NHSL1: variants seen among roughly 807,000 people sequenced by gnomAD.
The protein encoded by NHSL1 is NHS-like protein 1.
A neutral mutation model predicts 95.0 loss-of-function variants in NHSL1; 48 were observed. That is an observed-to-expected ratio of 0.51 (90% CI 0.40 to 0.64). The LOEUF is 0.64. Ranked by LOEUF, NHSL1 falls within the 30% of genes least tolerant of loss-of-function variation. The pLI, the probability that NHSL1 is intolerant of heterozygous loss-of-function variation, is 0.00. For synonymous variants in NHSL1, 783 were observed against 833.9 expected, an observed-to-expected ratio of 0.94 and a Z score of 1.05; for missense variants, 1,971 against 2,077.7, an observed-to-expected ratio of 0.95 and a Z score of 1.00.
In NHSL1 at chr6:138,496,326, G is replaced by C; in HGVS notation, c.104C>G (p.Thr35Ser). ...ATTCTCCTGCTGGTGCCACGGGGCAGTGTAGTGGACTGTCCATCGGCTTTC... is the reference window on the plus strand; with the variant it reads ...ATTCTCCTGCTGGTGCCACGGGGCACTGTAGTGGACTGTCCATCGGCTTTC... The part of the protein sequence containing the change: ...DEESRWTVHY[T>S]APWHQQENVF... The change falls in exon 2 of 8, where the codon ACT becomes AGT. Residue 35 changes from threonine to serine, a missense_variant. This residue lies in a region of NHSL1 where 1,602 missense variants were observed against 1,654.5 expected (regional missense o/e 0.97). Coordinates refer to ENST00000343505, the MANE Select transcript of NHSL1 (RefSeq NM_001144060.2). 2.6e-6 allele frequency: 4 copies of C among 1,550,698 alleles called. No homozygotes were observed. The highest frequency in any genetic ancestry group is 3.5e-6 in the Non-Finnish European group (4 of 1,146,916).
At chr6:138,614,246 C>G (rs1413873246) in intron 1 of NHSL1, among the ~76,000 whole-genome samples, 1 of 152,170 alleles carries the variant, frequency 6.6e-6, no homozygotes, top group Non-Finnish European at 1.5e-5. Context: ...GCTCTCTGAC[C>G]TTCCTCTTCT....
intron 1 of NHSL1, among the ~76,000 whole-genome samples, chr6:138,610,690 A>C (rs1784500292): frequency 6.6e-6 from 1 of 152,024 alleles, no homozygotes; most frequent in Admixed American, 6.6e-5. Flanking sequence ...AGGTAACTAT[A>C]GCTAGACCTG....
At chr6:138,475,507 C>T (rs921497016) in intron 2 of NHSL1, among the ~76,000 whole-genome samples, 7 of 152,112 alleles carry the variant, frequency 4.6e-5, no homozygotes, top group African/African-American at 1.2e-4. Context: ...GGATTATAGC[C>T]GTGAGCCACT....
intron 1 of NHSL1, among the ~76,000 whole-genome samples, chr6:138,679,874 C>A (rs1034731327): frequency 3.9e-5 from 6 of 151,996 alleles, no homozygotes; most frequent in African/African-American, 1.2e-4. Flanking sequence ...GAAAGATGCA[C>A]CCACTTCAGT....
At chr6:138,507,204 T>C (rs1445062710) in intron 1 of NHSL1, among the ~76,000 whole-genome samples, 2 of 152,204 alleles carry the variant, frequency 1.3e-5, no homozygotes, top group Admixed American at 6.5e-5. Context: ...ATATGTTATG[T>C]CCACTGATGT....
intron 3 of NHSL1, among the ~76,000 whole-genome samples, chr6:138,455,599 T>C (rs774973237): frequency 1.3e-5 from 2 of 151,518 alleles, no homozygotes; most frequent in Non-Finnish European, 2.9e-5. Flanking sequence ...TATGTGATCT[T>C]GAGAAAGCCA....
chr6:138,664,382 T>C (rs1785268044), intron 1 of NHSL1, among the ~76,000 whole-genome samples: 1 of 152,172 alleles, frequency 6.6e-6, no homozygotes, highest in South Asian at 2.1e-4. Context: ...TGCAAGAAGT[T>C]CACAGATTAG....
At chr6:138,580,449 G>A (rs1275550505) in intron 1 of NHSL1, among the ~76,000 whole-genome samples, 2 of 152,136 alleles carry the variant, frequency 1.3e-5, no homozygotes, top group African/African-American at 2.4e-5. Context: ...TCTAGCAGTC[G>A]GGAGATTTAG....
At chr6:138,675,359 C>A (rs1785434624) in intron 1 of NHSL1, among the ~76,000 whole-genome samples, 1 of 152,088 alleles carries the variant, frequency 6.6e-6, no homozygotes, top group South Asian at 2.1e-4. Flanking sequence ...CCACAGGAAC[C>A]CCCTTCACCC....
In NHSL1 at chr6:138,422,270, A is replaced by G. The variant is rs1467655134; in HGVS notation, c.*1811T>C. On this transcript the variant is annotated 3_prime_UTR_variant, in exon 8 of 8. Coordinates refer to ENST00000343505, the MANE Select transcript of NHSL1 (RefSeq NM_001144060.2). ...AAGCCAATGCCACTTTTCTAAAGAA[A>G]CGATCTTTGTGCCAAATTAGTAGAC... The G allele has an allele frequency of 6.6e-6, 1 of 152,250 alleles. No homozygotes were observed. The highest frequency in any genetic ancestry group is 2.4e-5 in the African/African-American group (1 of 41,460). 9.4% of individuals were successfully genotyped at this position (152,250 alleles called of 1,614,324 possible). A position where few individuals can be genotyped will look rare whatever the true frequency, so the allele number is the denominator to read the frequency against.
intron 2 of NHSL1, among the ~76,000 whole-genome samples, chr6:138,482,505 T>G (rs1779488367): frequency 6.7e-6 from 1 of 149,608 alleles, no homozygotes; most frequent in African/African-American, 2.5e-5. Context: ...CACCAGAAAG[T>G]TGGAAAAGAG....
At chr6:138,690,992 C>T (rs1040616048) in intron 1 of NHSL1, among the ~76,000 whole-genome samples, 7 of 152,170 alleles carry the variant, frequency 4.6e-5, no homozygotes, top group African/African-American at 1.4e-4. Context: ...ATCAGTTCAC[C>T]TATCAATCAG....
intron 1 of NHSL1, among the ~76,000 whole-genome samples, chr6:138,531,370 A>G (rs755110174): frequency 8.5e-5 from 13 of 152,226 alleles, no homozygotes; most frequent in Non-Finnish European, 1.5e-4. Flanking sequence ...CCTCTTAAAT[A>G]CAATCTTCCA....
intron 1 of NHSL1, among the ~76,000 whole-genome samples, chr6:138,622,680 C>A (rs2114632577): frequency 6.6e-6 from 1 of 152,256 alleles, no homozygotes; most frequent in South Asian, 2.1e-4. Flanking sequence ...AAATACTTAG[C>A]TATCTTTTAG....
chr6:138,473,104 T>G (rs1343767234), intron 3 of NHSL1, among the ~76,000 whole-genome samples: 1 of 152,252 alleles, frequency 6.6e-6, no homozygotes, highest in South Asian at 2.1e-4. Context: ...GTATTGCAAG[T>G]TTCCTGTGTA....
chr6:138,672,900 C>T (rs961949805), intron 1 of NHSL1, among the ~76,000 whole-genome samples: 3 of 151,984 alleles, frequency 2.0e-5, no homozygotes, highest in Non-Finnish European at 2.9e-5. Flanking sequence ...ACTTGTAGTC[C>T]CAGCTACTCG....
intron 5 of NHSL1, among the ~76,000 whole-genome samples, chr6:138,436,076 C>A (rs1776078924): frequency 6.6e-6 from 1 of 152,048 alleles, no homozygotes; most frequent in South Asian, 2.1e-4. Context: ...TGAGATACAA[C>A]AATAATGAAA....
At chr6:138,515,737 T>A (rs931375337) in intron 1 of NHSL1, among the ~76,000 whole-genome samples, 1 of 152,258 alleles carries the variant, frequency 6.6e-6, no homozygotes, top group African/African-American at 2.4e-5. Context: ...TGCATAACTC[T>A]AACGGCTGGA....
chr6:138,654,923 G>A (rs556700086), intron 1 of NHSL1, among the ~76,000 whole-genome samples: 4 of 152,292 alleles, frequency 2.6e-5, no homozygotes, highest in African/African-American at 9.6e-5. Context: ...ATGAGTCAGA[G>A]GATGTGTGAA....
Sources: allele counts gnomAD v4.1 joint callset (sites outside exome capture counted in the v4.1 genomes callset), GRCh38; gene constraint gnomAD v4.1.1; regional missense constraint gnomAD v4.1.1; transcripts MANE v1.5; gene names NCBI Gene and HGNC (gene_info 2026-07-23, HGNC 2026-07-21).